Variants in TOX2 observed in about 807,000 individuals in gnomAD.
The protein encoded by TOX2 is TOX high mobility group box family member 2, also known as granulosa cell HMG box 1.
Under a neutral mutation model 47.4 loss-of-function variants are expected in TOX2, and 15 were observed. The observed-to-expected ratio is 0.32, with a 90% CI of 0.21 to 0.49. TOX2 has a LOEUF of 0.49. Ranked by LOEUF, TOX2 falls within the 20% of genes least tolerant of loss-of-function variation. The pLI, the probability that TOX2 is intolerant of heterozygous loss-of-function variation, is 0.99. For missense variants in TOX2, 622 were observed against 673.1 expected (o/e 0.92, Z 0.84); for synonymous variants, 290 against 296.6 (o/e 0.98, Z 0.23).
At chr20:44,030,504 C>T (rs188419524) in intron 3 of TOX2, among the ~76,000 whole-genome samples, 10 of 152,364 alleles carry the variant, frequency 6.6e-5, no homozygotes, top group African/African-American at 2.4e-4. Context: ...GCCTGTGACT[C>T]TAAGCTCCTC....
rs1367104572 is a variant in TOX2, at chr20:43,954,962, G to A, written c.100-18405G>A. Among the ~76,000 whole-genome samples, 4 of 152,160 alleles carry A rather than the reference G, an allele frequency of 2.6e-5. 1 individual carries two copies. The highest frequency in any genetic ancestry group is 4.4e-5 in the Non-Finnish European group (3 of 68,032). ...GTGACTCCTGGTGCTTGATTCGCTT[G>A]AAACTGCCTTATCTACAATCCAAAA... On this transcript the variant is annotated intron_variant, in intron 1 of 8. Coordinates refer to ENST00000341197, the MANE Select transcript of TOX2 (RefSeq NM_001098797.2).
chr20:43,956,299 G>A (rs2069667174), intron 1 of TOX2, among the ~76,000 whole-genome samples: 2 of 152,216 alleles, frequency 1.3e-5, no homozygotes, highest in African/African-American at 4.8e-5. Flanking sequence ...GCTCAGGCCT[G>A]TAATCAGTCC....
intron 2 of TOX2, among the ~76,000 whole-genome samples, chr20:44,000,013 G>A (rs2070547366): frequency 6.6e-6 from 1 of 152,204 alleles, no homozygotes; most frequent in Admixed American, 6.5e-5. Flanking sequence ...CTAAAGGAAG[G>A]GAACAGCCAT....
At chr20:43,971,465 T>C (rs1312759651) in intron 1 of TOX2, among the ~76,000 whole-genome samples, 1 of 152,164 alleles carries the variant, frequency 6.6e-6, no homozygotes, top group Non-Finnish European at 1.5e-5. Context: ...CTTCTCTGAG[T>C]GAAGGCGGCT....
intron 2 of TOX2, among the ~76,000 whole-genome samples, chr20:43,997,453 T>C (rs1250770299): frequency 2.0e-5 from 3 of 152,222 alleles, no homozygotes; most frequent in Non-Finnish European, 4.4e-5. Context: ...AGCTGAAAAT[T>C]ATAAATATTG....
At chr20:43,925,185 T>A (rs186957300) in intron 1 of TOX2, among the ~76,000 whole-genome samples, 78 of 152,290 alleles carry the variant, frequency 5.1e-4, no homozygotes, top group Non-Finnish European at 1.0e-3. Flanking sequence ...CTTTTAGGCC[T>A]CTCTTTTATG....
chr20:44,066,980 C>A, intron 8 of TOX2, 123 bp downstream of exon 8: 1 of 1,387,980 alleles, frequency 7.2e-7, no homozygotes, highest in Non-Finnish European at 9.7e-7. Flanking sequence ...TCACTGTCAG[C>A]CCTGCTGAGG....
chr20:44,026,825 TC>T (rs35760979), intron 3 of TOX2, among the ~76,000 whole-genome samples: 1 of 152,082 alleles, frequency 6.6e-6, no homozygotes, highest in African/African-American at 2.4e-5. Context: ...TGGGCCTCCT[TC>T]CTTCTTCTGT....
At chr20:44,015,417 T>C (rs1056506755) in intron 3 of TOX2, among the ~76,000 whole-genome samples, 7 of 152,122 alleles carry the variant, frequency 4.6e-5, no homozygotes, top group Non-Finnish European at 8.8e-5. Flanking sequence ...CTTCAATAAA[T>C]CATTATGGAA....
chr20:44,006,294 GC>G (rs2070678017), intron 2 of TOX2, among the ~76,000 whole-genome samples: 1 of 152,180 alleles, frequency 6.6e-6, no homozygotes, highest in African/African-American at 2.4e-5. Flanking sequence ...GGGGGAGCCG[GC>G]CCCCATTCTC....
chr20:44,056,007 A>T (rs2071609511), intron 5 of TOX2, among the ~76,000 whole-genome samples: 1 of 152,124 alleles, frequency 6.6e-6, no homozygotes, highest in Admixed American at 6.5e-5. Context: ...CAGGGAAAGG[A>T]GGGCAGCCAG....
chr20:43,974,561 C>T (rs1412838796), intron 2 of TOX2, among the ~76,000 whole-genome samples: 1 of 152,250 alleles, frequency 6.6e-6, no homozygotes, highest in Admixed American at 6.5e-5. Context: ...CTGGAGCTGA[C>T]CTCTACCCTC....
intron 3 of TOX2, among the ~76,000 whole-genome samples, chr20:44,020,584 C>T (rs1377690883): frequency 2.0e-5 from 3 of 152,234 alleles, no homozygotes; most frequent in African/African-American, 7.2e-5. Context: ...GCAAGACAGA[C>T]TACTGCTGAG....
intron 4 of TOX2, among the ~76,000 whole-genome samples, chr20:44,052,000 C>G (rs1034632973): frequency 1.3e-5 from 2 of 152,174 alleles, no homozygotes; most frequent in African/African-American, 2.4e-5. Flanking sequence ...TCCTGAAGGC[C>G]AGTGGGCGAT....
In TOX2 at chr20:44,051,357, G is replaced by A. The variant is rs759864213; in HGVS notation, c.463G>A (p.Gly155Arg). 33 of 1,613,486 alleles carry A rather than the reference G, an allele frequency of 2.0e-5. 1 individual carries two copies. Among genetic ancestry groups the A allele is most frequent in the Middle Eastern group, 3.3e-4 (2 of 6,080 alleles). Residue 155 changes from glycine (G) to arginine (R), a missense_variant, in exon 4 of 9, where the codon GGG (glycine) becomes AGG (arginine). By Grantham distance (125) the Gly-to-Arg change is moderately radical (BLOSUM62 -2). Coordinates refer to ENST00000341197, the MANE Select transcript of TOX2 (RefSeq NM_001098797.2). ...EVAAYDSGRP[G>R]PLLGRPAMLA... Reference sequence around the variant, plus strand: ...GGCTGCCTATGACTCGGGCCGGCCCGGGCCCCTGCTGGGTCGCCCGGCAAT... The same window carrying A: ...GGCTGCCTATGACTCGGGCCGGCCCAGGCCCCTGCTGGGTCGCCCGGCAAT...
intron 1 of TOX2, among the ~76,000 whole-genome samples, chr20:43,942,530 A>G (rs1406487178): frequency 6.6e-6 from 1 of 152,184 alleles, no homozygotes; most frequent in African/African-American, 2.4e-5. Flanking sequence ...AAGAAAAAAC[A>G]CAAAAATTAG....
At chr20:44,052,075 A>C (rs2071522378) in intron 4 of TOX2, among the ~76,000 whole-genome samples, 1 of 152,210 alleles carries the variant, frequency 6.6e-6, no homozygotes. Context: ...TGGCCCTTTT[A>C]GGAGAAAATA....
At position 44,066,873 on chromosome 20, in the gene TOX2, T is replaced by TTAG. The variant is rs2071833262; in HGVS notation, c.1484+16_1484+17insTAG. The TTAG allele has an allele frequency of 6.2e-7, 1 of 1,605,244 alleles. No homozygotes were observed. The highest frequency in any genetic ancestry group is 2.2e-5 in the East Asian group (1 of 44,812). On this transcript the variant is annotated intron_variant, in intron 8 of 8. Coordinates refer to ENST00000341197, the MANE Select transcript of TOX2 (RefSeq NM_001098797.2). ...GCACCTGCAGGTTAGTCCTCGCCCG[T>TTAG]CCCTGCCTTTGTCCTGCCAGCCAGG... is the stretch of plus-strand genomic sequence containing the variant.
At chr20:43,957,591 T>G (rs998555924) in intron 1 of TOX2, among the ~76,000 whole-genome samples, 1 of 146,538 alleles carries the variant, frequency 6.8e-6, no homozygotes, top group Middle Eastern at 3.3e-3. Context: ...TTTTTTTGGC[T>G]TAAACAAATA....
Sources: gnomAD v4.1 joint callset for allele counts (sites outside exome capture counted in the v4.1 genomes callset) on GRCh38, gnomAD v4.1.1 for gene constraint, MANE v1.5 for transcripts, NCBI Gene and HGNC (gene_info 2026-07-23, HGNC 2026-07-21) for gene names.